CSGALNACT1: variants seen among roughly 807,000 people sequenced by gnomAD.
The protein encoded by CSGALNACT1 is beta4GalNAcT-1.
In CSGALNACT1, 52 loss-of-function variants were observed where a neutral mutation model predicts 51.0. The observed-to-expected ratio is 1.02, with a 90% CI of 0.82 to 1.29. The LOEUF is 1.29. Ranked by LOEUF, CSGALNACT1 falls within the 50% of genes most tolerant of loss-of-function variation. The pLI is 0.00. For missense variants in CSGALNACT1, 935 were observed against 679.2 expected (o/e 1.38, Z -4.19); for synonymous variants, 341 against 254.4 (o/e 1.34, Z -3.24).
chr8:19,427,554 C>T (rs947108788), intron 6 of CSGALNACT1, among the ~76,000 whole-genome samples: 2 of 151,988 alleles, frequency 1.3e-5, no homozygotes, highest in Non-Finnish European at 2.9e-5. Flanking sequence ...TTTGGGAGGC[C>T]GAGGCGGGCG....
intron 3 of CSGALNACT1, among the ~76,000 whole-genome samples, chr8:19,528,643 C>A (rs757143277): frequency 2.0e-5 from 3 of 152,068 alleles, no homozygotes; most frequent in Admixed American, 6.6e-5. Context: ...TTAAACCCAC[C>A]CCCAAATCAT....
chr8:19,645,766 T>A (rs1355438849), intron 1 of CSGALNACT1, among the ~76,000 whole-genome samples: 1 of 152,112 alleles, frequency 6.6e-6, no homozygotes, highest in Non-Finnish European at 1.5e-5. Context: ...AGGTAGCAAG[T>A]GAATGATATG....
rs937382524 is a variant in CSGALNACT1 at position 19,434,428 on chromosome 8, G to T, written c.953+5402C>A. 2.0e-5 allele frequency among the ~76,000 whole-genome samples: 3 copies of T among 152,072 alleles called. No homozygotes were observed. In the South Asian group the frequency reaches 6.2e-4, roughly 32 times the overall value. ...CATTTGCTTTTTTTCTCTCTCTGAA[G>T]GATTTGAGAGTTAGTTTCAGACATC... On this transcript the variant is annotated intron_variant, in intron 6 of 9. Coordinates refer to ENST00000454498, the Ensembl canonical transcript of CSGALNACT1.
chr8:19,469,981 A>T (rs2067736885), intron 4 of CSGALNACT1, among the ~76,000 whole-genome samples: 2 of 152,212 alleles, frequency 1.3e-5, no homozygotes, highest in Non-Finnish European at 2.9e-5. Context: ...TAAATGCAAT[A>T]GGGTAGAAAT....
intron 6 of CSGALNACT1, among the ~76,000 whole-genome samples, chr8:19,425,422 C>T (rs1227763139): frequency 6.6e-6 from 1 of 152,190 alleles, no homozygotes; most frequent in African/African-American, 2.4e-5. Context: ...GTCACAGTCT[C>T]ATTTTCGTGA....
At chr8:19,484,185 G>A (rs2072255698) in intron 4 of CSGALNACT1, among the ~76,000 whole-genome samples, 1 of 114,184 alleles carries the variant, frequency 8.8e-6, no homozygotes, top group African/African-American at 3.4e-5. Flanking sequence ...AGCACAAGGG[G>A]AGTGATATAG....
intron 8 of CSGALNACT1, among the ~76,000 whole-genome samples, chr8:19,410,173 G>T (rs1320191708): frequency 6.6e-6 from 1 of 152,158 alleles, no homozygotes; most frequent in African/African-American, 2.4e-5. Flanking sequence ...ACTGCTCAAG[G>T]AAAGTAGAAC....
chr8:19,490,946 G>C (rs1405796173), intron 4 of CSGALNACT1, among the ~76,000 whole-genome samples: 1 of 152,046 alleles, frequency 6.6e-6, no homozygotes, highest in Non-Finnish European at 1.5e-5. Context: ...GTCACGTTTA[G>C]AATCAAATGC....
chr8:19,633,748 T>A (rs1458657980), intron 1 of CSGALNACT1, among the ~76,000 whole-genome samples: 2 of 152,256 alleles, frequency 1.3e-5, no homozygotes, highest in African/African-American at 4.8e-5. Context: ...TCAGTTGTTT[T>A]AAACCATCTA....
At chr8:19,469,269 T>C (rs985693523) in intron 4 of CSGALNACT1, among the ~76,000 whole-genome samples, 1 of 152,126 alleles carries the variant, frequency 6.6e-6, no homozygotes, top group Non-Finnish European at 1.5e-5. Context: ...TGTGCACCTG[T>C]AGTCCCAGCT....
At chr8:19,469,847 C>T (rs904218401) in intron 4 of CSGALNACT1, among the ~76,000 whole-genome samples, 1 of 152,132 alleles carries the variant, frequency 6.6e-6, no homozygotes, top group South Asian at 2.1e-4. Flanking sequence ...ACTCTTCCTG[C>T]CATGGGAAGG....
chr8:19,546,173 A>G lies in CSGALNACT1; in HGVS notation c.-296-40043T>C, dbSNP rs192302176. Among the ~76,000 whole-genome samples, 16 of 152,310 alleles carry G rather than the reference A, an allele frequency of 1.1e-4. No individual in the cohort carries two copies. In the East Asian group the frequency reaches 3.1e-3, roughly 29 times the overall value. ...TATGCAGATAAATTCAGCAGAATAT[A>G]TTTTTAGTATGCTTTGCCCAATTTC... is the stretch of plus-strand genomic sequence containing the variant. On this transcript the variant is annotated intron_variant, in intron 3 of 9. Coordinates refer to ENST00000454498, the Ensembl canonical transcript of CSGALNACT1.
chr8:19,422,836 G>A (rs55842942), intron 6 of CSGALNACT1, among the ~76,000 whole-genome samples: 381 of 152,290 alleles, frequency 2.5e-3, no homozygotes, highest in Non-Finnish European at 4.1e-3. Flanking sequence ...ACCCATGGGA[G>A]ATGCCTGGAT....
intron 5 of CSGALNACT1, among the ~76,000 whole-genome samples, chr8:19,450,870 A>C (rs1422075446): frequency 6.6e-6 from 1 of 152,004 alleles, no homozygotes; most frequent in Non-Finnish European, 1.5e-5. Context: ...TGATGGCACC[A>C]CTGCACACCA....
chr8:19,685,828 G>C (rs557085919), upstream of CSGALNACT1, among the ~76,000 whole-genome samples: 1 of 152,286 alleles, frequency 6.6e-6, no homozygotes, highest in African/African-American at 2.4e-5. Flanking sequence ...AGTGGGAAGA[G>C]GTAGTTTTGG....
At chr8:19,651,501 C>G (rs564218135) in intron 1 of CSGALNACT1, among the ~76,000 whole-genome samples, 1 of 152,274 alleles carries the variant, frequency 6.6e-6, no homozygotes, top group South Asian at 2.1e-4. Context: ...CACTTGTAAG[C>G]GAGAACATGC....
chr8:19,529,728 T>C (rs62493887), intron 3 of CSGALNACT1, among the ~76,000 whole-genome samples: 34,859 of 152,070 alleles, frequency 0.23, 4,575 homozygotes, highest in African/African-American at 0.37. Context: ...GACTCCTCCA[T>C]GGATACTAAA....
At chr8:19,619,754 G>C (rs543289629) in intron 1 of CSGALNACT1, among the ~76,000 whole-genome samples, 1 of 152,308 alleles carries the variant, frequency 6.6e-6, no homozygotes, top group South Asian at 2.1e-4. Context: ...CTCAGACTTT[G>C]AGTTCCAAAT....
chr8:19,629,065 T>G lies in CSGALNACT1; in HGVS notation c.-543-27200A>C, dbSNP rs140400018. On this transcript the variant is annotated intron_variant, in intron 1 of 9. Coordinates refer to the CSGALNACT1 transcript ENST00000332246. The stretch of plus-strand genomic sequence containing the variant: ...TCAAAGGAATATTAAACAGCTCTTA[T>G]TCTAATAGGTCCAAGTAATTGGAGT... 7.4e-3 allele frequency among the ~76,000 whole-genome samples: 1,121 copies of G among 152,274 alleles called. 4 individuals carry two copies. Among genetic ancestry groups the G allele is most frequent in the Non-Finnish European group, 0.01 (697 of 68,010 alleles).
Sources: allele counts gnomAD v4.1 joint callset (sites outside exome capture counted in the v4.1 genomes callset), GRCh38; gene constraint gnomAD v4.1.1; transcripts MANE v1.5; gene names NCBI Gene and HGNC (gene_info 2026-07-23, HGNC 2026-07-21).